Variants in MAP2K5 observed in about 807,000 individuals in gnomAD.
MAP2K5 encodes the protein mitogen-activated protein kinase kinase 5, also known as dual specificity mitogen-activated protein kinase kinase 5.
MAP2K5 carries 49 observed loss-of-function variants against 83.1 expected under a neutral mutation model. That is an observed-to-expected ratio of 0.59 (90% CI 0.47 to 0.75). The LOEUF (loss-of-function observed/expected upper bound fraction) is 0.75. Ranked by LOEUF, MAP2K5 falls within the 30% of genes least tolerant of loss-of-function variation. The probability of loss-of-function intolerance (pLI) is 0.00; values close to 1 mark genes in which losing one functional copy is unlikely to be tolerated. For missense variants in MAP2K5, 457 were observed against 557.5 expected (o/e 0.82, Z 1.82); for synonymous variants, 202 against 191.8 (o/e 1.05, Z -0.44).
chr15:67,726,161 C>G (rs551232418), intron 16 of MAP2K5, among the ~76,000 whole-genome samples: 1 of 152,112 alleles, frequency 6.6e-6, no homozygotes, highest in Admixed American at 6.5e-5. Flanking sequence ...GATATGAGTA[C>G]AAGGTAATGA....
rs889671057 is a variant in MAP2K5, at chr15:67,577,230, C to A, written c.253-3524C>A. 6.6e-6 allele frequency among the ~76,000 whole-genome samples: 1 copy of A among 152,122 alleles called. No homozygotes were observed. The highest frequency in any genetic ancestry group is 2.4e-5 in the African/African-American group (1 of 41,420). Reference sequence around the variant, plus strand: ...GATTACAGGCGTGAGCCACCGTGCCCGGCCAGTAACCCTATATATTAGGGT... The same window carrying A: ...GATTACAGGCGTGAGCCACCGTGCCAGGCCAGTAACCCTATATATTAGGGT... On this transcript the variant is annotated intron_variant, in intron 3 of 21. Coordinates refer to ENST00000178640, the MANE Select transcript of MAP2K5 (RefSeq NM_145160.3). This position sits in a 1 kb window ranked among gnomAD's most constrained non-coding sequence, Gnocchi z 4.1.
intron 21 of MAP2K5, among the ~76,000 whole-genome samples, chr15:67,773,247 G>C (rs1193765893): frequency 6.6e-6 from 1 of 152,138 alleles, no homozygotes; most frequent in African/African-American, 2.4e-5. Flanking sequence ...TGTGTTCTCA[G>C]CTCCAAGGCA....
At chr15:67,584,019 G>C (rs1398130674) in intron 4 of MAP2K5, among the ~76,000 whole-genome samples, 1 of 152,084 alleles carries the variant, frequency 6.6e-6, no homozygotes, top group Non-Finnish European at 1.5e-5. Flanking sequence ...CAAGTGCTGG[G>C]ATGAAAGGCA....
chr15:67,638,518 T>C lies in MAP2K5; in HGVS notation c.585+7591T>C, dbSNP rs915767136. Reference sequence around the variant, plus strand: ...TCCATGTCTTTGCTATTGCGAATAGTGCTGCAATGACCATTTGCATGCGTG... The same window carrying C: ...TCCATGTCTTTGCTATTGCGAATAGCGCTGCAATGACCATTTGCATGCGTG... On this transcript the variant is annotated intron_variant, in intron 9 of 21. Coordinates refer to ENST00000178640, the MANE Select transcript of MAP2K5 (RefSeq NM_145160.3). This position sits in a 1 kb window ranked among gnomAD's most constrained non-coding sequence, Gnocchi z 4.5. Among the ~76,000 whole-genome samples, 1 of 152,230 alleles carries C rather than the reference T, an allele frequency of 6.6e-6. No homozygotes were observed. Among genetic ancestry groups the C allele is most frequent in the Non-Finnish European group, 1.5e-5 (1 of 68,040 alleles).
intron 19 of MAP2K5, among the ~76,000 whole-genome samples, chr15:67,754,378 A>G (rs2089785454): frequency 6.6e-6 from 1 of 152,180 alleles, no homozygotes; most frequent in Non-Finnish European, 1.5e-5. Flanking sequence ...ACACACTTAA[A>G]CCACATTCCA....
intron 8 of MAP2K5, among the ~76,000 whole-genome samples, chr15:67,624,942 T>C (rs1324229036): frequency 2.6e-5 from 4 of 152,162 alleles, no homozygotes; most frequent in Non-Finnish European, 5.9e-5. Flanking sequence ...AACATCACCA[T>C]CTATTTCCTT....
chr15:67,591,390 A>ATTG (rs1178140360), intron 6 of MAP2K5, among the ~76,000 whole-genome samples: 1 of 150,238 alleles, frequency 6.7e-6, no homozygotes, highest in Non-Finnish European at 1.5e-5. Context: ...TATTATTATT[A>ATTG]TTGAGATGGA....
At chr15:67,715,487 C>T (rs554511746) in intron 16 of MAP2K5, among the ~76,000 whole-genome samples, 7 of 152,220 alleles carry the variant, frequency 4.6e-5, no homozygotes, top group South Asian at 2.1e-4. Flanking sequence ...TCAGAGCTGT[C>T]GGGAACAACC....
Position 67,722,069 on chromosome 15 carries a change from G to A in MAP2K5, c.1045-5847G>A, listed in dbSNP as rs2088974928. Among the ~76,000 whole-genome samples the A allele has an allele frequency of 1.3e-5, 2 of 152,134 alleles. No individual in the cohort carries two copies. The highest frequency in any genetic ancestry group is 2.4e-5 in the African/African-American group (1 of 41,432). ...TACTGATAATGTGGAGGGTCCCAAAGGTTATTAGGGCATGTTTCTGTTAGG... is the reference window on the plus strand; with the variant it reads ...TACTGATAATGTGGAGGGTCCCAAAAGTTATTAGGGCATGTTTCTGTTAGG... On this transcript the variant is annotated intron_variant, in intron 16 of 21. Coordinates refer to ENST00000178640, the MANE Select transcript of MAP2K5 (RefSeq NM_145160.3). The surrounding 1 kb of genome is among the most constrained non-coding windows in gnomAD (Gnocchi z 4.2).
chr15:67,615,977 A>T (rs1371815196), intron 8 of MAP2K5, among the ~76,000 whole-genome samples: 2 of 152,184 alleles, frequency 1.3e-5, no homozygotes, highest in Non-Finnish European at 2.9e-5. Flanking sequence ...TGTTTTAAGT[A>T]GGAGACTTAT....
At position 67,804,148 on chromosome 15, in the gene MAP2K5, G is replaced by A. The variant is rs558295878; in HGVS notation, c.1243-2498G>A. 3.9e-5 allele frequency among the ~76,000 whole-genome samples: 6 copies of A among 152,236 alleles called. No homozygotes were observed. The South Asian group carries it at 8.3e-4, about 21-fold the overall frequency. On this transcript the variant is annotated intron_variant, in intron 21 of 21. Coordinates refer to ENST00000178640, the MANE Select transcript of MAP2K5 (RefSeq NM_145160.3). The stretch of plus-strand genomic sequence containing the variant: ...GTCTCCAGTGCCGTCACGACCCCCC[G>A]CCTGCCTGCCTCTGGACAGCACCTC...
chr15:67,568,173 T>C (rs2084880352), intron 3 of MAP2K5, among the ~76,000 whole-genome samples: 1 of 152,154 alleles, frequency 6.6e-6, no homozygotes, highest in South Asian at 2.1e-4. Flanking sequence ...TGGCATACAT[T>C]TTACTGTAGT....
At chr15:67,571,701 C>T (rs1321178739) in intron 3 of MAP2K5, among the ~76,000 whole-genome samples, 1 of 151,828 alleles carries the variant, frequency 6.6e-6, no homozygotes, top group Non-Finnish European at 1.5e-5. Context: ...CAGGTTTTTT[C>T]CCCATTTTTA....
At position 67,652,908 on chromosome 15, in the gene MAP2K5, A is replaced by C. The variant is rs559810844; in HGVS notation, c.737-5645A>C. Among the ~76,000 whole-genome samples, 4 of 152,276 alleles carry C rather than the reference A, an allele frequency of 2.6e-5. No homozygotes were observed. The highest frequency in any genetic ancestry group is 1.5e-5 in the Non-Finnish European group (1 of 68,020). ...GTATTTGTCTTATTGTGTCTGGCTTATTTCATTTTGCATTATGTCCTTAAG... is the reference window on the plus strand; with the variant it reads ...GTATTTGTCTTATTGTGTCTGGCTTCTTTCATTTTGCATTATGTCCTTAAG... On this transcript the variant is annotated intron_variant, in intron 11 of 21. Coordinates refer to ENST00000178640, the MANE Select transcript of MAP2K5 (RefSeq NM_145160.3). This position sits in a 1 kb window ranked among gnomAD's most constrained non-coding sequence, Gnocchi z 4.2.
rs1277649354 is a variant in MAP2K5 at position 67,775,718 on chromosome 15, T to C, written c.1242+2966T>C. On this transcript the variant is annotated intron_variant, in intron 21 of 21. Coordinates refer to ENST00000178640, the MANE Select transcript of MAP2K5 (RefSeq NM_145160.3). This position sits in a 1 kb window ranked among gnomAD's most constrained non-coding sequence, Gnocchi z 5.3. ...GAAAAACTGGGTAGAGAAGGTAGCATTTGAAAAGGGCCTTTGGAGGATGAA... is the reference window on the plus strand; with the variant it reads ...GAAAAACTGGGTAGAGAAGGTAGCACTTGAAAAGGGCCTTTGGAGGATGAA... Among the ~76,000 whole-genome samples, 2 of 152,122 alleles carry C rather than the reference T, an allele frequency of 1.3e-5. No homozygotes were observed. Among genetic ancestry groups the C allele is most frequent in the Non-Finnish European group, 2.9e-5 (2 of 68,020 alleles).
chr15:67,581,222 T>C (rs914927511), intron 4 of MAP2K5, among the ~76,000 whole-genome samples: 11 of 152,206 alleles, frequency 7.2e-5, no homozygotes, highest in Non-Finnish European at 1.5e-4. Flanking sequence ...GAAGATTTAC[T>C]GAGGTGTTAG....
At chr15:67,554,403 G>A (rs937481757) in intron 2 of MAP2K5, among the ~76,000 whole-genome samples, 2 of 152,096 alleles carry the variant, frequency 1.3e-5, no homozygotes, top group Non-Finnish European at 1.5e-5. Flanking sequence ...AACACTAATT[G>A]ATATCTTATA....
rs1320873568 is a variant in MAP2K5 at position 67,775,550 on chromosome 15, T to C, written c.1242+2798T>C. On this transcript the variant is annotated intron_variant, in intron 21 of 21. Coordinates refer to ENST00000178640, the MANE Select transcript of MAP2K5 (RefSeq NM_145160.3). The surrounding 1 kb of genome is among the most constrained non-coding windows in gnomAD (Gnocchi z 5.3). ...TGATATACCATTGTGCACAGTCTTG[T>C]TCTAGACTCAGCAGAAGATATAAAG... 6.6e-6 allele frequency among the ~76,000 whole-genome samples: 1 copy of C among 152,236 alleles called. No homozygotes were observed. Among genetic ancestry groups the C allele is most frequent in the African/African-American group, 2.4e-5 (1 of 41,466 alleles).
chr15:67,550,601 G>T (rs1355453842), intron 2 of MAP2K5, among the ~76,000 whole-genome samples: 2 of 152,106 alleles, frequency 1.3e-5, no homozygotes, highest in African/African-American at 2.4e-5. Context: ...GTGACCTGGG[G>T]ACTAGAAAAC....
Sources: gnomAD v4.1 joint callset for allele counts (sites outside exome capture counted in the v4.1 genomes callset) on GRCh38, gnomAD v4.1.1 for gene constraint, Gnocchi (gnomAD v3.1) non-coding constraint, MANE v1.5 for transcripts, NCBI Gene and HGNC (gene_info 2026-07-23, HGNC 2026-07-21) for gene names.